The following TMPRSS13 variants were observed in gnomAD, a reference collection of about 807,000 sequenced individuals.
The protein encoded by TMPRSS13 is transmembrane serine protease 13.
Under a neutral mutation model 68.4 loss-of-function variants are expected in TMPRSS13, and 50 were observed. The observed-to-expected ratio is 0.73, with a 90% CI of 0.58 to 0.93. The LOEUF (loss-of-function observed/expected upper bound fraction) is 0.93, where lower values mean the gene tolerates loss of function less well. Ranked by LOEUF, TMPRSS13 falls within the 40% of genes least tolerant of loss-of-function variation. The pLI is 0.00. For missense variants in TMPRSS13, 615 were observed against 729.2 expected (o/e 0.84, Z 1.80); for synonymous variants, 267 against 285.8 (o/e 0.93, Z 0.66).
chr11:117,908,651 T>C lies in TMPRSS13; in HGVS notation c.1243A>G (p.Ile415Val). 2 of 1,580,012 alleles carry C rather than the reference T, an allele frequency of 1.3e-6. No individual in the cohort carries two copies. The highest frequency in any genetic ancestry group is 1.7e-6 in the Non-Finnish European group (2 of 1,163,590). ...NYTDEEDDYD[I>V]ALMRLSKPLT... ...GGCTTGGACAGCCGCATGAGGGCGA[T>C]GTCATAGTCGTCCTCCTCATCGGTG... Residue 415 changes from isoleucine to valine, a missense_variant, in exon 9 of 13, where the codon ATC becomes GTC. Physicochemically the swap from Ile to Val is conservative, Grantham distance 29 (BLOSUM62 3). Transcript: ENST00000524993.
Position 117,902,046 on chromosome 11 carries a change from T to G in TMPRSS13, c.*193A>C. The G allele has an allele frequency of 3.1e-6, 2 of 647,914 alleles. No homozygotes were observed. The highest frequency in any genetic ancestry group is 3.7e-5 in the South Asian group (2 of 54,190). 40.1% of individuals were successfully genotyped at this position (647,914 alleles called of 1,614,324 possible). On this transcript the variant is annotated 3_prime_UTR_variant, in exon 13 of 13. Coordinates refer to ENST00000524993, the MANE Select transcript of TMPRSS13 (RefSeq NM_001077263.3). The stretch of plus-strand genomic sequence containing the variant: ...ACAGCTCTGCTGGTTTCTGAAAAAC[T>G]TGGGAGAGTGGCAATGCACACATAT...
At chr11:117,919,321 T>A (rs916392876) in intron 1 of TMPRSS13, among the ~76,000 whole-genome samples, 2 of 152,246 alleles carry the variant, frequency 1.3e-5, no homozygotes, top group African/African-American at 4.8e-5. Context: ...GTTCTTACTA[T>A]GAGCTGTAAT....
At position 117,903,777 on chromosome 11, in the gene TMPRSS13, G is replaced by A. The variant is rs1029976440; in HGVS notation, c.1555C>T (p.Gln519Ter). Residue 519 changes from glutamine to a stop codon, truncating the protein, a stop_gained, in exon 12 of 13, where the codon CAG becomes TAG. Coordinates refer to ENST00000524993, the MANE Select transcript of TMPRSS13 (RefSeq NM_001077263.3). LOFTEE classifies it high-confidence loss of function. Reference sequence around the variant, plus strand: ...CCTGCCAGGTACCAGCGGTTGTTCTGCTCACAGACAAGAGGCCCCCCGCTG... The same window carrying A: ...CCTGCCAGGTACCAGCGGTTGTTCTACTCACAGACAAGAGGCCCCCCGCTG... The part of the protein sequence containing the change: ...GDSGGPLVCE[Q>*]NNRWYLAGVT... The A allele has an allele frequency of 1.2e-6, 2 of 1,611,814 alleles. No individual in the cohort carries two copies. Among genetic ancestry groups the A allele is most frequent in the Non-Finnish European group, 1.7e-6 (2 of 1,179,038 alleles).
intron 1 of TMPRSS13, 89 bp from the exon 2 acceptor site, chr11:117,918,927 C>A: frequency 6.4e-7 from 1 of 1,553,508 alleles, no homozygotes; most frequent in East Asian, 2.3e-5. Flanking sequence ...GATGAATGCT[C>A]TGGGGCAGCA....
chr11:117,918,779 A>AGCTGGAGATGCCTGG lies in TMPRSS13; in HGVS notation c.66_80dup (p.Gln23_Ala27dup), dbSNP rs753711602. 1 of 1,612,750 alleles carries AGCTGGAGATGCCTGG rather than the reference A, an allele frequency of 6.2e-7. No individual in the cohort carries two copies. Among genetic ancestry groups the AGCTGGAGATGCCTGG allele is most frequent in the Non-Finnish European group, 8.5e-7 (1 of 1,179,606 alleles). ...GAGATGCCCGGCCTGGAGGTGTCCCAGCTGGAGATGCCTGGGCTGGAGATG... is the reference window on the plus strand; with the variant it reads ...GAGATGCCCGGCCTGGAGGTGTCCCAGCTGGAGATGCCTGGGCTGGAGATGCCTGGGCTGGAGATG... On this transcript the variant is annotated inframe_insertion, in exon 2 of 13. Transcript: ENST00000524993.
At chr11:117,908,512 T>G in intron 9 of TMPRSS13, 100 bp downstream of exon 9, 27 of 1,336,224 alleles carry the variant, frequency 2.0e-5, no homozygotes, top group Non-Finnish European at 2.6e-5. Flanking sequence ...TGCAGAAGCT[T>G]TGGGGCCCGG....
rs1001122580 is a variant in TMPRSS13, at chr11:117,907,736, G to C, written c.1282+876C>G. On this transcript the variant is annotated intron_variant, in intron 9 of 12. Coordinates refer to ENST00000524993, the MANE Select transcript of TMPRSS13 (RefSeq NM_001077263.3). ...CCCTAGCCTGCCAGGATGATTAGTT[G>C]CTCCCGCCTATGCCACCATAGCTCC... is the stretch of plus-strand genomic sequence containing the variant. The C allele has an allele frequency of 2.3e-5, 21 of 913,082 alleles. No homozygotes were observed. In the African/African-American group the frequency reaches 3.2e-4, roughly 14 times the overall value. 56.6% of individuals were successfully genotyped at this position (913,082 alleles called of 1,614,324 possible).
At chr11:117,917,969 A>G (rs763508853) in intron 2 of TMPRSS13, among the ~76,000 whole-genome samples, 3 of 152,124 alleles carry the variant, frequency 2.0e-5, no homozygotes, top group Non-Finnish European at 4.4e-5. Flanking sequence ...ATGGACTTGC[A>G]CACCTGGTCA....
chr11:117,917,254 T>G lies in TMPRSS13; in HGVS notation c.472A>C (p.Thr158Pro), dbSNP rs1337379499. The G allele has an allele frequency of 6.2e-7, 1 of 1,612,236 alleles. No individual in the cohort carries two copies. ...AGCTGCTTCTGGCCCTCCCGCCAGG[T>G]GAACTTGGGCAGGCTCGTACCTAGG... ...ESPGTSLPKF[T>P]WREGQKQLPL... Residue 158 changes from threonine (T) to proline (P), a missense_variant, in exon 3 of 13, where the codon ACC becomes CCC. By Grantham distance (38) the Thr-to-Pro change is conservative. Coordinates refer to ENST00000524993, the MANE Select transcript of TMPRSS13 (RefSeq NM_001077263.3).
chr11:117,912,091 A>G (rs1260896835), intron 5 of TMPRSS13, among the ~76,000 whole-genome samples: 1 of 152,030 alleles, frequency 6.6e-6, no homozygotes, highest in African/African-American at 2.4e-5. Context: ...CCCCAGCCCT[A>G]TGCACTACCC....
chr11:117,910,593 A>T, intron 7 of TMPRSS13, 114 bp downstream of exon 7: 1 of 1,050,350 alleles, frequency 9.5e-7, no homozygotes, highest in African/African-American at 1.6e-5. Context: ...GCTGGCTAAG[A>T]CACTGTTCCT....
At chr11:117,906,966 G>A (rs2057469648) in intron 9 of TMPRSS13, among the ~76,000 whole-genome samples, 2 of 152,196 alleles carry the variant, frequency 1.3e-5, no homozygotes, top group Admixed American at 1.3e-4. Flanking sequence ...CATCTGAGCT[G>A]TGATTCTCAG....
chr11:117,908,521 G>A (rs748453058), intron 9 of TMPRSS13, 91 bp downstream of exon 9: 31 of 1,424,308 alleles, frequency 2.2e-5, no homozygotes, highest in South Asian at 2.0e-4. Flanking sequence ...TTTGGGGCCC[G>A]GATATGAGTT....
At chr11:117,925,548 T>C (rs2057697110) in intron 1 of TMPRSS13, among the ~76,000 whole-genome samples, 1 of 151,952 alleles carries the variant, frequency 6.6e-6, no homozygotes, top group African/African-American at 2.4e-5. Context: ...AGTCCTAGGG[T>C]AGTGACACAC....
intron 5 of TMPRSS13, 80 bp downstream of exon 5, chr11:117,913,697 T>G (rs1339067804): frequency 6.5e-7 from 1 of 1,546,320 alleles, no homozygotes; most frequent in Non-Finnish European, 8.8e-7. Flanking sequence ...ATATAATGTT[T>G]CTGCAACATG....
chr11:117,908,564 G>T, intron 9 of TMPRSS13, 48 bp downstream of exon 9: 1 of 1,540,474 alleles, frequency 6.5e-7, no homozygotes, highest in Non-Finnish European at 8.7e-7. Context: ...GGCTGCAGAG[G>T]GTGCTGGGGC....
Position 117,908,597 on chromosome 11 carries a change from T to G in TMPRSS13, c.1282+15A>C. The G allele has an allele frequency of 1.9e-6, 3 of 1,551,726 alleles. No homozygotes were observed. Among genetic ancestry groups the G allele is most frequent in the Non-Finnish European group, 1.7e-6 (2 of 1,148,872 alleles). ...GGCTGGGGGGCAGGAGAGCGGGGAG[T>G]GCAGATTCCCTCACCGGACAGGGTC... is the stretch of plus-strand genomic sequence containing the variant. On this transcript the variant is annotated intron_variant, in intron 9 of 12. Coordinates refer to ENST00000524993, the MANE Select transcript of TMPRSS13 (RefSeq NM_001077263.3).
chr11:117,916,405 CT>C (rs2057578609), intron 3 of TMPRSS13, among the ~76,000 whole-genome samples: 1 of 152,266 alleles, frequency 6.6e-6, no homozygotes, highest in Non-Finnish European at 1.5e-5. Context: ...CTGTAAGAAG[CT>C]ATCCCCTGCA....
At chr11:117,924,463 C>A (rs1212986211) in intron 1 of TMPRSS13, among the ~76,000 whole-genome samples, 2 of 152,182 alleles carry the variant, frequency 1.3e-5, no homozygotes, top group Admixed American at 6.5e-5. Flanking sequence ...ATCAAGGGCG[C>A]CCATAGGGTG....
Sources: gnomAD v4.1 joint callset for allele counts (sites outside exome capture counted in the v4.1 genomes callset) on GRCh38, gnomAD v4.1.1 for gene constraint, MANE v1.5 for transcripts, NCBI Gene and HGNC (gene_info 2026-07-23, HGNC 2026-07-21) for gene names.